Variants in ASIC2 observed in about 807,000 individuals in gnomAD.
ASIC2 encodes acid sensing ion channel subunit 2, also known as acid-sensing ion channel 2.
Under a neutral mutation model 57.3 loss-of-function variants are expected in ASIC2, and 25 were observed. The observed-to-expected ratio is 0.44, with a 90% CI of 0.32 to 0.61. The LOEUF is 0.61. Among genes scored for constraint, ASIC2 ranks in the 20% least tolerant of loss-of-function variants. The pLI, the probability that ASIC2 is intolerant of heterozygous loss-of-function variation, is 0.06. For synonymous variants in ASIC2, 319 were observed against 307.5 expected (o/e 1.04, Z -0.39); for missense variants, 641 against 738.1 (o/e 0.87, Z 1.52).
chr17:34,109,895 G>C (rs891755392), intron 1 of ASIC2, among the ~76,000 whole-genome samples: 1 of 151,870 alleles, frequency 6.6e-6, no homozygotes, highest in Non-Finnish European at 1.5e-5. Context: ...TCTATCTATC[G>C]TGATACTGTA....
At chr17:33,060,275 T>G (rs1366197765) in intron 3 of ASIC2, among the ~76,000 whole-genome samples, 1 of 152,212 alleles carries the variant, frequency 6.6e-6, no homozygotes, top group Admixed American at 6.5e-5. Context: ...GGTTTTCTTC[T>G]AGGGTTTTTA....
chr17:33,290,157 A>G (rs191970133), intron 1 of ASIC2, among the ~76,000 whole-genome samples: 2 of 152,254 alleles, frequency 1.3e-5, no homozygotes, highest in East Asian at 1.9e-4. Flanking sequence ...AGCCAGCAGG[A>G]CAAGATTGAA....
chr17:33,488,977 C>A (rs928725426), intron 1 of ASIC2, among the ~76,000 whole-genome samples: 8 of 152,088 alleles, frequency 5.3e-5, no homozygotes, highest in Non-Finnish European at 1.0e-4. Flanking sequence ...ACAGTCCCAA[C>A]CCCTCCCTGA....
chr17:33,182,876 C>T (rs1439709901), intron 1 of ASIC2, among the ~76,000 whole-genome samples: 1 of 152,142 alleles, frequency 6.6e-6, no homozygotes, highest in African/African-American at 2.4e-5. Context: ...CCAACAAAAT[C>T]CTTATCACTG....
chr17:33,818,051 C>T (rs751501180), intron 1 of ASIC2, among the ~76,000 whole-genome samples: 159 of 152,170 alleles, frequency 1.0e-3, no homozygotes, highest in Non-Finnish European at 1.9e-3. Flanking sequence ...TATTGACCAG[C>T]CTTGGAGGTC....
intron 1 of ASIC2, among the ~76,000 whole-genome samples, chr17:33,697,159 C>T (rs540551308): frequency 6.6e-6 from 1 of 152,300 alleles, no homozygotes; most frequent in East Asian, 1.9e-4. Context: ...TTCCTGAGGC[C>T]TCCCCAGATG....
At chr17:33,142,220 A>G (rs759413515) in intron 1 of ASIC2, among the ~76,000 whole-genome samples, 1 of 152,224 alleles carries the variant, frequency 6.6e-6, no homozygotes, top group East Asian at 1.9e-4. Flanking sequence ...AGGTAATGAA[A>G]TAAAGTAAGG....
chr17:33,573,067 C>T (rs17782835), intron 1 of ASIC2, among the ~76,000 whole-genome samples: 10,253 of 152,234 alleles, frequency 0.067, 464 homozygotes, highest in Middle Eastern at 0.11. Context: ...CTTCCCAAAA[C>T]GCACAGGTGC....
chr17:33,215,238 A>G (rs944448402), intron 1 of ASIC2, among the ~76,000 whole-genome samples: 13 of 152,228 alleles, frequency 8.5e-5, no homozygotes, highest in East Asian at 3.8e-4. Context: ...GATTCTGGGG[A>G]GAGGGTACAT....
At chr17:33,930,837 G>A (rs576390366) in intron 1 of ASIC2, among the ~76,000 whole-genome samples, 27 of 152,298 alleles carry the variant, frequency 1.8e-4, no homozygotes, top group Non-Finnish European at 3.7e-4. Context: ...GGATGCCAGG[G>A]GAGAGCCGGG....
intron 1 of ASIC2, among the ~76,000 whole-genome samples, chr17:33,982,068 G>A (rs1162573303): frequency 1.3e-5 from 2 of 152,186 alleles, no homozygotes; most frequent in East Asian, 1.9e-4. Flanking sequence ...TAAATGGGAA[G>A]CTTAGACAGA....
At chr17:33,043,953 G>A (rs1485008134) in intron 3 of ASIC2, among the ~76,000 whole-genome samples, 1 of 152,138 alleles carries the variant, frequency 6.6e-6, no homozygotes, top group African/African-American at 2.4e-5. Context: ...AACTACCCAT[G>A]GTTTGTGATG....
At chr17:33,887,968 G>T (rs565821010) in intron 1 of ASIC2, among the ~76,000 whole-genome samples, 1 of 152,160 alleles carries the variant, frequency 6.6e-6, no homozygotes, top group African/African-American at 2.4e-5. Flanking sequence ...TGGGGTTATG[G>T]TTTCTGCCGA....
rs183512240 is a variant in ASIC2, at chr17:33,830,738, C to T, written c.555+325240G>A. On this transcript the variant is annotated intron_variant, in intron 1 of 9. Transcript: ENST00000359872. ...TTGCCCCCTACCCTCCGACAGGTCC[C>T]GGTGTGTGATGGTCCCCTCCCTGTG... 3.0e-3 allele frequency among the ~76,000 whole-genome samples: 453 copies of T among 152,030 alleles called. 2 individuals carry two copies. The highest frequency in any genetic ancestry group is 0.01 in the African/African-American group (430 of 41,448).
chr17:34,047,780 C>T (rs1908394499), intron 1 of ASIC2, among the ~76,000 whole-genome samples: 1 of 152,310 alleles, frequency 6.6e-6, no homozygotes, highest in Admixed American at 6.5e-5. Context: ...TCTGCCTCCA[C>T]TGTGAGACTG....
At chr17:33,025,373 A>G (rs2086950634) in intron 5 of ASIC2, among the ~76,000 whole-genome samples, 3 of 152,186 alleles carry the variant, frequency 2.0e-5, no homozygotes, top group Admixed American at 1.3e-4. Flanking sequence ...CTCAGGCAGG[A>G]GGAAGAAGTG....
At chr17:33,737,375 AAT>A (rs1189540206) in intron 1 of ASIC2, among the ~76,000 whole-genome samples, 2 of 152,250 alleles carry the variant, frequency 1.3e-5, no homozygotes, top group African/African-American at 4.8e-5. Context: ...TGACTCCCTA[AAT>A]ATACATGTCT....
intron 1 of ASIC2, among the ~76,000 whole-genome samples, chr17:34,096,217 A>C (rs1416354259): frequency 6.6e-6 from 1 of 152,128 alleles, no homozygotes; most frequent in Non-Finnish European, 1.5e-5. Flanking sequence ...GGCCTCTCAG[A>C]GGAAGTGATT....
chr17:33,506,414 A>G (rs370742488), intron 1 of ASIC2, among the ~76,000 whole-genome samples: 9 of 146,858 alleles, frequency 6.1e-5, no homozygotes, highest in African/African-American at 1.0e-4. Flanking sequence ...CTCCGTCTCA[A>G]AAAAAAAAAA....
Sources: allele counts gnomAD v4.1 joint callset (sites outside exome capture counted in the v4.1 genomes callset), GRCh38; gene constraint gnomAD v4.1.1; transcripts MANE v1.5; gene names NCBI Gene and HGNC (gene_info 2026-07-23, HGNC 2026-07-21).